The following STK33 variants were observed in gnomAD, a reference collection of about 807,000 sequenced individuals.
STK33 encodes serine/threonine kinase 33.
A neutral mutation model predicts 58.0 loss-of-function variants in STK33; 52 were observed. The ratio of observed to expected loss-of-function variants is 0.90; its 90% CI spans 0.72 to 1.13. The LOEUF (loss-of-function observed/expected upper bound fraction) is 1.13, where lower values mean the gene tolerates loss of function less well. STK33 is among the 50% of genes most tolerant of loss of function. STK33 has a pLI of 0.00. For synonymous variants in STK33, 215 were observed against 200.1 expected (o/e 1.07, Z -0.63); for missense variants, 630 against 604.2 (o/e 1.04, Z -0.45).
intron 1 of STK33, among the ~76,000 whole-genome samples, chr11:8,571,844 A>AG (rs1396731473): frequency 6.6e-6 from 1 of 151,134 alleles, no homozygotes; most frequent in East Asian, 1.9e-4. Context: ...AAAAAAAAAA[A>AG]AGGTTAAAAT....
chr11:8,345,333 T>A, the STK33 span, among the ~76,000 whole-genome samples: 12 of 152,292 alleles, frequency 7.9e-5, 1 homozygote, highest in South Asian at 2.3e-3. Flanking sequence ...AAGGCCAGGC[T>A]CTCTTAGGCA....
chr11:8,525,673 C>T (rs893572762), intron 1 of STK33, among the ~76,000 whole-genome samples: 2 of 151,898 alleles, frequency 1.3e-5, no homozygotes, highest in African/African-American at 2.4e-5. Context: ...GCTTTATGAC[C>T]CTGGGGTACA....
chr11:8,541,404 C>G (rs1053574864), intron 1 of STK33, among the ~76,000 whole-genome samples: 6 of 152,158 alleles, frequency 3.9e-5, no homozygotes, highest in African/African-American at 1.4e-4. Flanking sequence ...GGTAGACTTT[C>G]ATTTCACCCA....
At chr11:8,493,121 G>C (rs931963646) in intron 1 of STK33, among the ~76,000 whole-genome samples, 1 of 152,008 alleles carries the variant, frequency 6.6e-6, no homozygotes, top group African/African-American at 2.4e-5. Flanking sequence ...AGGAGATAGA[G>C]ACACAAAAAA....
chr11:8,452,763 G>C (rs1240457533), intron 11 of STK33, 59 bp downstream of exon 11: 2 of 1,484,084 alleles, frequency 1.3e-6, no homozygotes, highest in East Asian at 4.5e-5. Context: ...ACTCCAGCCT[G>C]GGCAACAGAG....
chr11:8,350,301 G>A, the STK33 span, among the ~76,000 whole-genome samples: 1 of 152,202 alleles, frequency 6.6e-6, no homozygotes, highest in African/African-American at 2.4e-5. Flanking sequence ...GTTAGCGCAA[G>A]GGCAGAGCAA....
intron 1 of STK33, among the ~76,000 whole-genome samples, chr11:8,522,392 C>A (rs1421996492): frequency 6.6e-6 from 1 of 151,692 alleles, no homozygotes; most frequent in African/African-American, 2.4e-5. Flanking sequence ...CCAAACACCG[C>A]ATGTTCTCCC....
At chr11:8,554,120 T>C (rs11041976) in intron 1 of STK33, among the ~76,000 whole-genome samples, 8,744 of 151,920 alleles carry the variant, frequency 0.058, 455 homozygotes, top group African/African-American at 0.15. Flanking sequence ...AATAACCTGA[T>C]CAAAAAATGA....
chr11:8,364,254 A>G, the STK33 span, among the ~76,000 whole-genome samples: 2 of 151,642 alleles, frequency 1.3e-5, no homozygotes, highest in Non-Finnish European at 2.9e-5. Context: ...TTCTTCTACA[A>G]CTCCATTTAC....
chr11:8,449,479 T>A lies in STK33; in HGVS notation c.871+3343A>T, dbSNP rs547293831. The stretch of plus-strand genomic sequence containing the variant: ...TAAAAAATGATGAGTTCAGGTCCTT[T>A]GTAGGGACATGGATGAAGCGGAAAC... On this transcript the variant is annotated intron_variant, in intron 11 of 15. Transcript: ENST00000687296. 1.6e-4 allele frequency among the ~76,000 whole-genome samples: 24 copies of A among 151,616 alleles called. 1 individual carries two copies. The highest frequency in any genetic ancestry group is 5.9e-4 in the African/African-American group (24 of 40,920).
At chr11:8,361,224 C>A in the STK33 span, among the ~76,000 whole-genome samples, 10 of 152,254 alleles carry the variant, frequency 6.6e-5, no homozygotes, top group South Asian at 8.3e-4. The surrounding 1 kb of genome is among the most constrained non-coding windows in gnomAD (Gnocchi z 4.8). Flanking sequence ...GGGGAGGGCT[C>A]CATGCCTGTT....
At chr11:8,556,338 G>A (rs1468132423) in intron 1 of STK33, among the ~76,000 whole-genome samples, 2 of 152,184 alleles carry the variant, frequency 1.3e-5, no homozygotes, top group South Asian at 2.1e-4. Context: ...ATATAGCACA[G>A]TGAGTATAAT....
chr11:8,338,056 T>G, the STK33 span, among the ~76,000 whole-genome samples: 6 of 152,322 alleles, frequency 3.9e-5, no homozygotes, highest in Middle Eastern at 3.4e-3. Flanking sequence ...CTCCCTTCAC[T>G]AAAATCTCCA....
chr11:8,423,670 G>C (rs1942276716), intron 14 of STK33, among the ~76,000 whole-genome samples: 1 of 152,046 alleles, frequency 6.6e-6, no homozygotes, highest in African/African-American at 2.4e-5. Flanking sequence ...ACATGTGCTT[G>C]AGAACATGTA....
chr11:8,538,043 T>C (rs1955190492), intron 1 of STK33, among the ~76,000 whole-genome samples: 1 of 151,826 alleles, frequency 6.6e-6, no homozygotes, highest in Admixed American at 6.6e-5. Flanking sequence ...AAGAAATTAG[T>C]TGGGCATGGT....
At chr11:8,552,227 C>T (rs1046423391) in intron 1 of STK33, among the ~76,000 whole-genome samples, 8 of 152,200 alleles carry the variant, frequency 5.3e-5, no homozygotes, top group Non-Finnish European at 7.3e-5. Flanking sequence ...CAGACTGAAA[C>T]GACCTTTTCT....
chr11:8,343,246 A>G, the STK33 span, among the ~76,000 whole-genome samples: 22 of 152,380 alleles, frequency 1.4e-4, no homozygotes, highest in East Asian at 3.9e-3. Context: ...GCCCTGGGGC[A>G]GGAAGCCATC....
intron 1 of STK33, among the ~76,000 whole-genome samples, chr11:8,540,330 A>T (rs1955406925): frequency 1.3e-5 from 2 of 151,796 alleles, no homozygotes; most frequent in Non-Finnish European, 2.9e-5. Context: ...AAAAAAAAAA[A>T]TGTAATTATC....
chr11:8,412,387 T>G (rs1016994150), intron 15 of STK33, among the ~76,000 whole-genome samples: 1 of 152,244 alleles, frequency 6.6e-6, no homozygotes, highest in African/African-American at 2.4e-5. Flanking sequence ...AAAAATATTA[T>G]AATCTCAAAA....
Sources: allele counts gnomAD v4.1 joint callset (sites outside exome capture counted in the v4.1 genomes callset), GRCh38; gene constraint gnomAD v4.1.1; non-coding constraint Gnocchi (gnomAD v3.1); transcripts MANE v1.5; gene names NCBI Gene and HGNC (gene_info 2026-07-23, HGNC 2026-07-21).